TPRG1: variants seen among roughly 807,000 people sequenced by gnomAD.
The protein encoded by TPRG1 is tumor protein p63-regulated gene 1 protein.
Under a neutral mutation model 29.3 loss-of-function variants are expected in TPRG1, and 29 were observed. The ratio of observed to expected loss-of-function variants is 0.99; its 90% CI spans 0.74 to 1.35. TPRG1 has a LOEUF of 1.35. Ranked by LOEUF, TPRG1 falls within the 40% of genes most tolerant of loss-of-function variation. The probability of loss-of-function intolerance (pLI) is 0.00; values close to 1 mark genes in which losing one functional copy is unlikely to be tolerated. For missense variants in TPRG1, 327 were observed against 335.0 expected (o/e 0.98, Z 0.19); for synonymous variants, 130 against 116.8 (o/e 1.11, Z -0.73).
At chr3:189,180,980 T>G (rs1730139490) in intron 1 of TPRG1, among the ~76,000 whole-genome samples, 1 of 152,192 alleles carries the variant, frequency 6.6e-6, no homozygotes, top group Non-Finnish European at 1.5e-5. Flanking sequence ...TTGACTTCTG[T>G]GTACTGGCAG....
chr3:189,128,276 T>C (rs563994588), intron 2 of TPRG1, among the ~76,000 whole-genome samples: 12 of 152,254 alleles, frequency 7.9e-5, no homozygotes, highest in South Asian at 4.1e-4. Flanking sequence ...ATGGAATCAT[T>C]GTACCAGAGC....
chr3:189,097,733 T>G (rs954938217), upstream of TPRG1, among the ~76,000 whole-genome samples: 2 of 152,254 alleles, frequency 1.3e-5, no homozygotes, highest in African/African-American at 2.4e-5. Context: ...CAATTTTACC[T>G]GCTGTTGTTT....
At chr3:189,147,390 C>T (rs1273743904) in intron 3 of TPRG1, among the ~76,000 whole-genome samples, 1 of 152,332 alleles carries the variant, frequency 6.6e-6, no homozygotes, top group East Asian at 1.9e-4. Context: ...ATGGCAGCCA[C>T]CCCTCCCTGC....
chr3:189,219,821 G>T (rs996035629), intron 3 of TPRG1: 1 of 923,032 alleles, frequency 1.1e-6, no homozygotes, highest in Admixed American at 6.2e-5. Flanking sequence ...TTTAAAAACC[G>T]GTAATTCTTG....
intron 3 of TPRG1, among the ~76,000 whole-genome samples, chr3:189,008,513 T>C (rs1321282274): frequency 1.3e-5 from 2 of 152,178 alleles, no homozygotes; most frequent in African/African-American, 4.8e-5. Flanking sequence ...TTCTAAAATG[T>C]AGTTCACAGC....
At chr3:189,067,900 A>C (rs532196854) in intron 4 of TPRG1, among the ~76,000 whole-genome samples, 1 of 152,198 alleles carries the variant, frequency 6.6e-6, no homozygotes, top group Non-Finnish European at 1.5e-5. Flanking sequence ...AACAGGAGAA[A>C]ATATTTGCAA....
chr3:189,126,163 G>A (rs553199977), intron 1 of TPRG1, among the ~76,000 whole-genome samples: 11 of 152,180 alleles, frequency 7.2e-5, no homozygotes, highest in African/African-American at 2.6e-4. Context: ...ACAGAGAAAA[G>A]TCCATTTTGG....
At chr3:189,255,506 G>A (rs953776875) in intron 4 of TPRG1, among the ~76,000 whole-genome samples, 12 of 152,056 alleles carry the variant, frequency 7.9e-5, no homozygotes, top group South Asian at 6.2e-4. Context: ...TGCGTCTACC[G>A]GGTTTTGGTA....
At chr3:189,048,192 A>T (rs1343003858) in intron 4 of TPRG1, among the ~76,000 whole-genome samples, 1 of 152,272 alleles carries the variant, frequency 6.6e-6, no homozygotes, top group Non-Finnish European at 1.5e-5. Flanking sequence ...ATATGTTAAC[A>T]GGCATGAAAA....
intron 4 of TPRG1, among the ~76,000 whole-genome samples, chr3:189,091,451 C>T (rs1718333582): frequency 6.6e-6 from 1 of 152,138 alleles, no homozygotes; most frequent in African/African-American, 2.4e-5. Flanking sequence ...TAGCCTGTGT[C>T]ATTTCCTATA....
chr3:189,236,896 T>G (rs567147637), intron 3 of TPRG1, among the ~76,000 whole-genome samples: 23 of 152,298 alleles, frequency 1.5e-4, no homozygotes, highest in African/African-American at 5.5e-4. Context: ...TGTGAAGTGG[T>G]ACATAATTGG....
At chr3:189,288,944 C>T (rs1307010856) in intron 4 of TPRG1, among the ~76,000 whole-genome samples, 3 of 152,180 alleles carry the variant, frequency 2.0e-5, no homozygotes, top group African/African-American at 7.2e-5. Context: ...TGTACGTGAG[C>T]CTTTCCTCCC....
intron 3 of TPRG1, among the ~76,000 whole-genome samples, chr3:189,018,214 T>C (rs1301938409): frequency 8.1e-5 from 12 of 147,638 alleles, no homozygotes; most frequent in Non-Finnish European, 1.4e-4. Flanking sequence ...TCTTTTGCTG[T>C]GCAGAAGCTC....
intron 4 of TPRG1, among the ~76,000 whole-genome samples, chr3:189,094,199 A>T (rs1718525721): frequency 6.6e-6 from 1 of 152,126 alleles, no homozygotes; most frequent in South Asian, 2.1e-4. Context: ...AAAACACATT[A>T]TATGTACTGT....
intron 4 of TPRG1, among the ~76,000 whole-genome samples, chr3:189,272,713 CTCCTTCCTTCCTTCCTTCCT>C (rs59828840): frequency 3.0e-5 from 4 of 132,516 alleles, no homozygotes; most frequent in African/African-American, 8.7e-5. Flanking sequence ...TTCTTTCTTT[CTCCTTCCTTCCTTCCTTCCT>C]TCCTTCCTTC....
chr3:189,150,151 A>G (rs1725745199), intron 4 of TPRG1, among the ~76,000 whole-genome samples: 1 of 152,142 alleles, frequency 6.6e-6, no homozygotes, highest in African/African-American at 2.4e-5. Flanking sequence ...AAGAGAGTAA[A>G]GTGGAAGTGA....
At chr3:189,295,206 T>G (rs1255244030) in intron 4 of TPRG1, among the ~76,000 whole-genome samples, 4 of 152,172 alleles carry the variant, frequency 2.6e-5, no homozygotes, top group Non-Finnish European at 5.9e-5. Context: ...AATGAAAGCT[T>G]CTCCCCTCAG....
chr3:189,158,384 G>A (rs1026208931), intron 5 of TPRG1, among the ~76,000 whole-genome samples: 46 of 152,188 alleles, frequency 3.0e-4, no homozygotes, highest in Admixed American at 1.4e-3. Context: ...CAAGGCAGGC[G>A]GATCACCTGA....
intron 4 of TPRG1, among the ~76,000 whole-genome samples, chr3:189,302,627 G>A (rs898644417): frequency 1.3e-4 from 20 of 152,104 alleles, no homozygotes; most frequent in African/African-American, 4.6e-4. Flanking sequence ...TGACAGACAT[G>A]GACTCCAAAT....
Sources: allele counts gnomAD v4.1 joint callset (sites outside exome capture counted in the v4.1 genomes callset), GRCh38; gene constraint gnomAD v4.1.1; transcripts MANE v1.5; gene names NCBI Gene and HGNC (gene_info 2026-07-23, HGNC 2026-07-21).